The following LRFN5 variants were observed in gnomAD, a reference collection of about 807,000 sequenced individuals.
The protein encoded by LRFN5 is leucine-rich repeat and fibronectin type-III domain-containing protein 5.
LRFN5 carries 24 observed loss-of-function variants against 45.6 expected under a neutral mutation model. The ratio of observed to expected loss-of-function variants is 0.53; its 90% CI spans 0.38 to 0.74. The LOEUF (loss-of-function observed/expected upper bound fraction) is 0.74. Among genes scored for constraint, LRFN5 ranks in the 30% least tolerant of loss-of-function variants. The pLI, the probability that LRFN5 is intolerant of heterozygous loss-of-function variation, is 0.00. For synonymous variants in LRFN5, 340 were observed against 313.8 expected (o/e 1.08, Z -0.88); for missense variants, 776 against 861.5 (o/e 0.90, Z 1.24).
At chr14:41,717,074 T>G (rs1273781773) in intron 1 of LRFN5, among the ~76,000 whole-genome samples, 1 of 152,186 alleles carries the variant, frequency 6.6e-6, no homozygotes, top group Admixed American at 6.5e-5. Context: ...AGGCTCATGA[T>G]AGCAATGGTC....
chr14:41,729,797 A>G (rs1443772279), intron 1 of LRFN5, among the ~76,000 whole-genome samples: 2 of 152,028 alleles, frequency 1.3e-5, no homozygotes, highest in East Asian at 1.9e-4. Context: ...TTCTGTACCT[A>G]TAATATTCAT....
At chr14:41,740,733 G>C (rs1884654363) in intron 1 of LRFN5, among the ~76,000 whole-genome samples, 1 of 151,632 alleles carries the variant, frequency 6.6e-6, no homozygotes, top group African/African-American at 2.4e-5. Context: ...GAAATAAAAG[G>C]CCTCCATAAA....
Position 41,904,207 on chromosome 14 carries a change from A to T in LRFN5, c.*32A>T, listed in dbSNP as rs767517352. On this transcript the variant is annotated 3_prime_UTR_variant, in exon 6 of 6. Coordinates refer to ENST00000298119, the MANE Select transcript of LRFN5 (RefSeq NM_152447.5). ...CCACTTCTCCTCTCTCTCCTGAAAA[A>T]ATTTGCCACTGATATTTTTACTGGA... 3.7e-6 allele frequency: 6 copies of T among 1,609,568 alleles called. No homozygotes were observed. The highest frequency in any genetic ancestry group is 5.1e-6 in the Non-Finnish European group (6 of 1,178,588).
intron 2 of LRFN5, among the ~76,000 whole-genome samples, chr14:41,882,846 CTT>C (rs71105409): frequency 1.0e-4 from 11 of 107,280 alleles, no homozygotes; most frequent in Middle Eastern, 7.7e-3. Context: ...TGTATTTCCT[CTT>C]TTTTTTTTTT....
intron 3 of LRFN5, among the ~76,000 whole-genome samples, chr14:41,888,456 G>A (rs1009688684): frequency 6.6e-6 from 1 of 152,088 alleles, no homozygotes; most frequent in Non-Finnish European, 1.5e-5. Flanking sequence ...ATCCTCAGTG[G>A]TGGCAAATCT....
chr14:41,773,008 T>C (rs1886146234), intron 2 of LRFN5, among the ~76,000 whole-genome samples: 1 of 152,174 alleles, frequency 6.6e-6, no homozygotes, highest in African/African-American at 2.4e-5. Context: ...TTGCTTATTC[T>C]CCACATGCAG....
chr14:41,887,337 G>A lies in LRFN5; in HGVS notation c.712G>A (p.Gly238Ser). 4 of 1,614,156 alleles carry A rather than the reference G, an allele frequency of 2.5e-6. No homozygotes were observed. Among genetic ancestry groups the A allele is most frequent in the Non-Finnish European group, 3.4e-6 (4 of 1,180,032 alleles). The stretch of plus-strand genomic sequence containing the variant: ...CCCATCTACTTTTGCATTAAGTTTT[G>A]GTGGAAACCCCTTGCATTGCAATTG... ...ISPSTFALSF[G>S]GNPLHCNCEL... Residue 238 changes from glycine (G) to serine (S), a missense_variant, in exon 3 of 6, where the codon GGT becomes AGT. By Grantham distance (56) the Gly-to-Ser change is moderately conservative. Transcript: ENST00000298119. The surrounding 1 kb of genome is among the most constrained non-coding windows in gnomAD (Gnocchi z 4.8).
chr14:41,624,952 C>T (rs907612001), intron 1 of LRFN5, among the ~76,000 whole-genome samples: 5 of 151,438 alleles, frequency 3.3e-5, no homozygotes, highest in Admixed American at 1.3e-4. Flanking sequence ...TGACTATTTC[C>T]AGATAAAATA....
intron 2 of LRFN5, among the ~76,000 whole-genome samples, chr14:41,847,845 C>A (rs1407493662): frequency 2.6e-5 from 4 of 152,062 alleles, no homozygotes; most frequent in Admixed American, 6.6e-5. Context: ...ACATAAAATT[C>A]TCCAAAGGAA....
At chr14:41,621,420 G>T (rs1888132929) in intron 1 of LRFN5, among the ~76,000 whole-genome samples, 1 of 152,008 alleles carries the variant, frequency 6.6e-6, no homozygotes, top group African/African-American at 2.4e-5. Flanking sequence ...TGCTGAATTG[G>T]TGCTATCAAT....
Position 41,618,617 on chromosome 14 carries a change from G to T in LRFN5, c.-197+10055G>T, listed in dbSNP as rs1378047416. ...CCAGCAGAAGAACTAACCAGCTGAG[G>T]CTAGCCCAAATTGCTGACCCATAAA... On this transcript the variant is annotated intron_variant, in intron 1 of 5. Transcript: ENST00000298119. Among the ~76,000 whole-genome samples the T allele has an allele frequency of 3.3e-5, 5 of 152,150 alleles. 1 individual carries two copies. The South Asian group carries it at 1.0e-3, about 32-fold the overall frequency.
intron 2 of LRFN5, among the ~76,000 whole-genome samples, chr14:41,848,782 CA>C (rs1380772365): frequency 1.3e-5 from 2 of 152,076 alleles, no homozygotes; most frequent in Admixed American, 6.6e-5. Context: ...TGGAGCCCCT[CA>C]ACCAAGACAC....
chr14:41,610,607 C>G (rs1037468091), intron 1 of LRFN5, among the ~76,000 whole-genome samples: 3 of 124,810 alleles, frequency 2.4e-5, no homozygotes, highest in African/African-American at 9.4e-5. Flanking sequence ...AGGAATGATA[C>G]AGAAGATATC....
At position 41,873,809 on chromosome 14, in the gene LRFN5, C is replaced by T. The variant is rs1171652235; in HGVS notation, c.-20-12797C>T. Among the ~76,000 whole-genome samples the T allele has an allele frequency of 1.3e-5, 2 of 152,118 alleles. 1 individual carries two copies. Among genetic ancestry groups the T allele is most frequent in the Non-Finnish European group, 2.9e-5 (2 of 67,998 alleles). ...TCATTCTTTCTGCATTGCTTTACTA[C>T]TGTGTTTCTTTAATTGCTATGGCAA... On this transcript the variant is annotated intron_variant, in intron 2 of 5. Transcript: ENST00000298119.
chr14:41,888,038 C>G (rs779421710), intron 3 of LRFN5, 28 bp downstream of exon 3: 1 of 1,515,282 alleles, frequency 6.6e-7, no homozygotes. Context: ...AATTTGTATA[C>G]TTACCATGCA....
chr14:41,821,501 C>G (rs1888111559), intron 2 of LRFN5, among the ~76,000 whole-genome samples: 1 of 151,680 alleles, frequency 6.6e-6, no homozygotes, highest in Non-Finnish European at 1.5e-5. Flanking sequence ...AATATAATAA[C>G]TTTTTGATGT....
At chr14:41,785,237 G>A (rs535871831) in intron 2 of LRFN5, among the ~76,000 whole-genome samples, 152 of 152,136 alleles carry the variant, frequency 1.0e-3, no homozygotes, top group African/African-American at 3.5e-3. Flanking sequence ...TTTAATTGCA[G>A]TGTTCAGACC....
At chr14:41,765,551 A>G (rs1392865104) in intron 1 of LRFN5, among the ~76,000 whole-genome samples, 1 of 152,222 alleles carries the variant, frequency 6.6e-6, no homozygotes, top group Non-Finnish European at 1.5e-5. Flanking sequence ...TGTTTTTGTC[A>G]TGCATATATG....
chr14:41,861,761 G>A (rs149218207), intron 2 of LRFN5, among the ~76,000 whole-genome samples: 57 of 152,280 alleles, frequency 3.7e-4, no homozygotes, highest in Middle Eastern at 6.8e-3. Flanking sequence ...GGTGCAAAAA[G>A]TAAATGTACA....
Sources: allele counts gnomAD v4.1 joint callset (sites outside exome capture counted in the v4.1 genomes callset), GRCh38; gene constraint gnomAD v4.1.1; non-coding constraint Gnocchi (gnomAD v3.1); transcripts MANE v1.5; gene names NCBI Gene and HGNC (gene_info 2026-07-23, HGNC 2026-07-21).